Variants in SRGAP2B observed in about 807,000 individuals in gnomAD.
SRGAP2B encodes the protein SLIT-ROBO Rho GTPase-activating protein 2B.
SRGAP2B carries 9 observed loss-of-function variants against 22.2 expected under a neutral mutation model. That is an observed-to-expected ratio of 0.41 (90% CI 0.24 to 0.71). SRGAP2B has a LOEUF of 0.71. Ranked by LOEUF, SRGAP2B falls within the 30% of genes least tolerant of loss-of-function variation. The pLI is 0.35. For synonymous variants in SRGAP2B, 36 were observed against 87.4 expected, an observed-to-expected ratio of 0.41 and a Z score of 3.28; for missense variants, 114 against 235.8, an observed-to-expected ratio of 0.48 and a Z score of 3.38.
chr1:145,019,345 CAAAAAAAAG>C (rs1403968915), intron 2 of SRGAP2B, among the ~76,000 whole-genome samples: 2 of 117,984 alleles, frequency 1.7e-5, no homozygotes, highest in African/African-American at 3.5e-5. Context: ...GAGACCCTGC[CAAAAAAAAG>C]AAAAAAAAGA....
Position 145,093,817 on chromosome 1 carries a change from G to A in SRGAP2B, c.-542-374C>T, listed in dbSNP as rs1302047507. 4.2e-5 allele frequency among the ~76,000 whole-genome samples: 6 copies of A among 143,842 alleles called. 1 individual carries two copies. Among genetic ancestry groups the A allele is most frequent in the South Asian group, 2.2e-4 (1 of 4,648 alleles). The allele number at this position is 143,842 out of a possible 152,430, so 94.4% of individuals were successfully genotyped here. ...ACGTGGCCCCAGACCCCCGGCCGGG[G>A]CACCTCCCTGTACATCAAAGGGGAT... On this transcript the variant is annotated intron_variant, in intron 1 of 9. Transcript: ENST00000612199.
intron 2 of SRGAP2B, among the ~76,000 whole-genome samples, chr1:145,017,162 T>G (rs587600515): frequency 7.0e-6 from 1 of 143,310 alleles, no homozygotes; most frequent in Non-Finnish European, 1.5e-5. Flanking sequence ...ACTCCTGACC[T>G]CAAGCGATCT....
At chr1:145,015,531 A>T (rs1672351988) in intron 2 of SRGAP2B, among the ~76,000 whole-genome samples, 1 of 144,880 alleles carries the variant, frequency 6.9e-6, no homozygotes, top group Admixed American at 6.9e-5. Flanking sequence ...AGTAATTGCA[A>T]TGTAAAAAGC....
chr1:144,943,937 C>G (rs1220288841), intron 4 of SRGAP2B, among the ~76,000 whole-genome samples: 8 of 150,608 alleles, frequency 5.3e-5, no homozygotes, highest in Non-Finnish European at 8.8e-5. Context: ...TAGAATTTGG[C>G]ATTCAAAGCC....
At chr1:144,982,599 T>G (rs1669389189) in intron 3 of SRGAP2B, among the ~76,000 whole-genome samples, 1 of 151,144 alleles carries the variant, frequency 6.6e-6, no homozygotes, top group East Asian at 1.9e-4. Flanking sequence ...TAAGTATTAC[T>G]GTCAACATTT....
intron 4 of SRGAP2B, among the ~76,000 whole-genome samples, chr1:144,932,322 C>T (rs1416338174): frequency 6.6e-6 from 1 of 150,902 alleles, no homozygotes; most frequent in African/African-American, 2.5e-5. Flanking sequence ...CGCTACAGGG[C>T]TCCTCAAAAC....
chr1:145,062,719 AC>A (rs1356423148), intron 2 of SRGAP2B, among the ~76,000 whole-genome samples: 71 of 149,128 alleles, frequency 4.8e-4, no homozygotes, highest in African/African-American at 1.8e-3. Context: ...CAGAAAGACA[AC>A]TAAAAAGAGA....
chr1:144,925,889 T>C (rs1304068481), intron 4 of SRGAP2B, among the ~76,000 whole-genome samples: 4 of 116,852 alleles, frequency 3.4e-5, no homozygotes, highest in Non-Finnish European at 6.9e-5. Context: ...TATCCTTATA[T>C]TTAAAGTGTA....
intron 7 of SRGAP2B, among the ~76,000 whole-genome samples, 171 bp downstream of exon 7, chr1:144,904,920 G>C (rs1662873887): frequency 9.2e-6 from 1 of 108,566 alleles, no homozygotes; most frequent in Non-Finnish European, 1.7e-5. Flanking sequence ...TTGAATAAGT[G>C]TGAAGTGTTT....
At chr1:145,012,002 G>A (rs1291063300) in intron 2 of SRGAP2B, among the ~76,000 whole-genome samples, 16 of 151,010 alleles carry the variant, frequency 1.1e-4, no homozygotes, top group East Asian at 7.7e-4. Flanking sequence ...GCTTCCCTTC[G>A]CTGGAAGCAC....
intron 3 of SRGAP2B, among the ~76,000 whole-genome samples, chr1:144,956,441 T>C (rs1312966265): frequency 5.7e-5 from 7 of 122,004 alleles, no homozygotes; most frequent in Non-Finnish European, 8.6e-5. Flanking sequence ...CTCATTCCCT[T>C]TTTTTTTTTT....
chr1:144,992,098 C>T (rs6600690), intron 3 of SRGAP2B, among the ~76,000 whole-genome samples: 11 of 149,710 alleles, frequency 7.3e-5, no homozygotes, highest in East Asian at 1.9e-4. Context: ...CCGGGAGGAA[C>T]GAACAACTCC....
chr1:144,911,778 C>T (rs1663434154), intron 5 of SRGAP2B, among the ~76,000 whole-genome samples: 1 of 146,476 alleles, frequency 6.8e-6, no homozygotes, highest in Admixed American at 6.8e-5. Context: ...CCACCATGCC[C>T]GGCTAGTTTT....
intron 2 of SRGAP2B, among the ~76,000 whole-genome samples, chr1:145,064,289 T>C (rs1651250970): frequency 1.4e-5 from 2 of 146,954 alleles, no homozygotes; most frequent in Non-Finnish European, 2.9e-5. Context: ...GCCCACTGTT[T>C]ACTAAGCTCC....
chr1:144,939,242 C>T (rs1296904055), intron 4 of SRGAP2B, among the ~76,000 whole-genome samples: 1 of 134,452 alleles, frequency 7.4e-6, no homozygotes, highest in Non-Finnish European at 1.6e-5. Context: ...CTAATGGGGA[C>T]AAAGAGGCAG....
chr1:145,041,079 A>G (rs1419630121), intron 2 of SRGAP2B, among the ~76,000 whole-genome samples: 1 of 42,702 alleles, frequency 2.3e-5, no homozygotes, highest in African/African-American at 1.1e-4. Context: ...TATATAGTAT[A>G]TATATATATA....
At chr1:145,031,737 C>T (rs1648358018) in intron 2 of SRGAP2B, among the ~76,000 whole-genome samples, 1 of 144,414 alleles carries the variant, frequency 6.9e-6, no homozygotes, top group African/African-American at 2.8e-5. Flanking sequence ...GTCCCAGCTA[C>T]TTGGGAGGCT....
In SRGAP2B at chr1:144,928,374, C is replaced by A. The variant is rs1478017088; in HGVS notation, c.424-13620G>T. 6.1e-5 allele frequency among the ~76,000 whole-genome samples: 9 copies of A among 146,376 alleles called. 1 individual carries two copies. The highest frequency in any genetic ancestry group is 1.0e-4 in the Non-Finnish European group (7 of 66,730). ...TTTAAGTTTGTTCCATAAATCACTT[C>A]ATTAACATTTGGGTTGCTTCCACTT... is the stretch of plus-strand genomic sequence containing the variant. On this transcript the variant is annotated intron_variant, in intron 4 of 9. Coordinates refer to ENST00000612199, the Ensembl canonical transcript of SRGAP2B.
At chr1:144,917,712 GT>G (rs1445819563) in intron 4 of SRGAP2B, among the ~76,000 whole-genome samples, 1 of 138,834 alleles carries the variant, frequency 7.2e-6, no homozygotes, top group African/African-American at 3.2e-5. Context: ...CTGGCTGAGG[GT>G]TGGGCTGGGA....
Sources: gnomAD v4.1 joint callset for allele counts (sites outside exome capture counted in the v4.1 genomes callset) on GRCh38, gnomAD v4.1.1 for gene constraint, MANE v1.5 for transcripts, NCBI Gene and HGNC (gene_info 2026-07-23, HGNC 2026-07-21) for gene names.